Variants in TMEM45B observed in about 807,000 individuals in gnomAD.
TMEM45B encodes the protein transmembrane protein 45B.
Under a neutral mutation model 27.3 loss-of-function variants are expected in TMEM45B, and 29 were observed. That is an observed-to-expected ratio of 1.06 (90% confidence interval 0.79 to 1.45). The LOEUF is 1.45. TMEM45B is among the 40% of genes most tolerant of loss of function. The pLI is 0.00. For synonymous variants in TMEM45B, 143 were observed against 134.7 expected (o/e 1.06, Z -0.43); for missense variants, 348 against 343.9 (o/e 1.01, Z -0.09).
intron 1 of TMEM45B, among the ~76,000 whole-genome samples, chr11:129,851,583 C>A (rs1947847817): frequency 6.7e-6 from 1 of 148,550 alleles, no homozygotes; most frequent in African/African-American, 2.5e-5. Flanking sequence ...ATGCTATCAC[C>A]TTGGCAACAC....
At chr11:129,819,302 C>T (rs1171242928) in intron 1 of TMEM45B, among the ~76,000 whole-genome samples, 2 of 152,162 alleles carry the variant, frequency 1.3e-5, no homozygotes, top group Non-Finnish European at 2.9e-5. Flanking sequence ...CCTACTACAG[C>T]GGCTTAAACA....
rs558706128 is a variant in TMEM45B at position 129,858,489 on chromosome 11, T to C, written c.717-85T>C. On this transcript the variant is annotated intron_variant, in intron 5 of 5. Coordinates refer to ENST00000281441, the MANE Select transcript of TMEM45B (RefSeq NM_138788.5). ...TGATAGAAATATAAAGAAAATAGTTTAAGAATCAGTAGATGCCTTCACATC... is the reference window on the plus strand; with the variant it reads ...TGATAGAAATATAAAGAAAATAGTTCAAGAATCAGTAGATGCCTTCACATC... 4.6e-5 allele frequency: 40 copies of C among 861,470 alleles called. No individual in the cohort carries two copies. The Admixed American group carries it at 9.2e-4, about 20-fold the overall frequency. The allele number at this position is 861,470 out of a possible 1,614,324, so 53.4% of individuals were successfully genotyped here. A position where few individuals can be genotyped will look rare whatever the true frequency, so the allele number is the denominator to read the frequency against.
chr11:129,825,310 A>G (rs1947465127), intron 1 of TMEM45B, among the ~76,000 whole-genome samples: 1 of 152,004 alleles, frequency 6.6e-6, no homozygotes, highest in Non-Finnish European at 1.5e-5. Context: ...AAGAGAGTCC[A>G]GAATGACTCC....
intron 1 of TMEM45B, among the ~76,000 whole-genome samples, chr11:129,836,479 G>T (rs1947621386): frequency 6.6e-6 from 1 of 152,174 alleles, no homozygotes; most frequent in South Asian, 2.1e-4. Context: ...AGAGGACAGG[G>T]TGTTATGGGC....
At chr11:129,830,224 G>A (rs888236259) in intron 1 of TMEM45B, among the ~76,000 whole-genome samples, 47 of 152,340 alleles carry the variant, frequency 3.1e-4, no homozygotes, top group African/African-American at 1.0e-3. Context: ...CTACTCAGGA[G>A]GCTGAGGTGG....
intron 3 of TMEM45B, 131 bp downstream of exon 3, chr11:129,854,947 C>A: frequency 4.7e-6 from 5 of 1,060,936 alleles, no homozygotes; most frequent in Non-Finnish European, 6.8e-6. Flanking sequence ...TCTGGACTGC[C>A]AAAACCTGAA....
chr11:129,818,436 G>A (rs1157734037), intron 1 of TMEM45B, among the ~76,000 whole-genome samples: 1 of 152,178 alleles, frequency 6.6e-6, no homozygotes, highest in African/African-American at 2.4e-5. Flanking sequence ...GCTTTATAGA[G>A]CACAAGGCGA....
Position 129,816,732 on chromosome 11 carries a change from C to CTTTTTTTTTTTTTTTTTTTTTTTT in TMEM45B, c.-9+857_-9+858insTTTTTTTTTTTTTTTTTTTTTTTT, listed in dbSNP as rs869217352. ...CTAAAAGTTGCAGAAATGGCCACTT[C>CTTTTTTTTTTTTTTTTTTTTTTTT]TTTTTTTTTTTTTTTTTTTTTTTGA... On this transcript the variant is annotated intron_variant, in intron 1 of 5. Transcript: ENST00000281441. Among the ~76,000 whole-genome samples the CTTTTTTTTTTTTTTTTTTTTTTTT allele has an allele frequency of 2.5e-5, 2 of 79,748 alleles. 1 individual carries two copies. Among genetic ancestry groups the CTTTTTTTTTTTTTTTTTTTTTTTT allele is most frequent in the Non-Finnish European group, 4.5e-5 (2 of 44,818 alleles). 52.3% of individuals were successfully genotyped at this position (79,748 alleles called of 152,430 possible). A position where few individuals can be genotyped will look rare whatever the true frequency, so the allele number is the denominator to read the frequency against.
chr11:129,815,851 CT>C lies in TMEM45B; in HGVS notation c.-54del, dbSNP rs1392055332. 5.0e-5 allele frequency: 65 copies of C among 1,310,302 alleles called. No individual in the cohort carries two copies. Among genetic ancestry groups the C allele is most frequent in the Non-Finnish European group, 6.2e-5 (64 of 1,038,022 alleles). 81.2% of individuals were successfully genotyped at this position (1,310,302 alleles called of 1,614,324 possible). On this transcript the variant is annotated 5_prime_UTR_variant, in exon 1 of 6. Coordinates refer to ENST00000281441, the MANE Select transcript of TMEM45B (RefSeq NM_138788.5). The stretch of plus-strand genomic sequence containing the variant: ...CTGCACCTGCTTCTGGGCGGACGCA[CT>C]TGGCGCGCGGCGCGGGCTGCAGACG...
chr11:129,837,447 G>A (rs1359666752), intron 1 of TMEM45B, among the ~76,000 whole-genome samples: 6 of 151,144 alleles, frequency 4.0e-5, no homozygotes, highest in East Asian at 4.0e-4. Context: ...GACCATGCCC[G>A]GCTAATTTTT....
intron 1 of TMEM45B, among the ~76,000 whole-genome samples, chr11:129,821,286 G>C (rs1312335570): frequency 2.0e-5 from 3 of 152,102 alleles, no homozygotes; most frequent in African/African-American, 4.8e-5. Context: ...TAATTGCATG[G>C]AGCTGTTGAG....
intron 1 of TMEM45B, among the ~76,000 whole-genome samples, chr11:129,847,966 G>C (rs556873940): frequency 1.3e-5 from 2 of 152,016 alleles, no homozygotes; most frequent in Non-Finnish European, 2.9e-5. Context: ...AGGGGCGGCC[G>C]GGCAGAGACG....
intron 1 of TMEM45B, among the ~76,000 whole-genome samples, chr11:129,819,797 G>GCC (rs969618010): frequency 6.6e-6 from 1 of 151,402 alleles, no homozygotes; most frequent in Admixed American, 6.6e-5. Flanking sequence ...CCTGTGATCT[G>GCC]CCCCCCTCGG....
intron 1 of TMEM45B, among the ~76,000 whole-genome samples, chr11:129,848,990 TG>T (rs1176776472): frequency 1.3e-5 from 2 of 152,208 alleles, no homozygotes; most frequent in Admixed American, 1.3e-4. Flanking sequence ...CGGCAACACC[TG>T]AATTTTGGAG....
intron 1 of TMEM45B, among the ~76,000 whole-genome samples, chr11:129,839,218 G>A (rs1947660774): frequency 1.3e-5 from 2 of 152,156 alleles, no homozygotes; most frequent in Admixed American, 1.3e-4. Context: ...AGTCTTCTTG[G>A]TGGCCAGCTT....
Position 129,854,464 on chromosome 11 carries a change from T to G in TMEM45B, c.179-146T>G, listed in dbSNP as rs1459411736. 1.3e-5 allele frequency: 9 copies of G among 699,630 alleles called. No individual in the cohort carries two copies. In the Admixed American group the frequency reaches 1.8e-4, roughly 14 times the overall value. The allele number at this position is 699,630 out of a possible 1,614,324, so 43.3% of individuals were successfully genotyped here. A position where few individuals can be genotyped will look rare whatever the true frequency, so the allele number is the denominator to read the frequency against. ...TACTTTATACTGAAGCAGCTGCACCTGAGGCAGCAAAGTAGCTCTGCTGAC... is the reference window on the plus strand; with the variant it reads ...TACTTTATACTGAAGCAGCTGCACCGGAGGCAGCAAAGTAGCTCTGCTGAC... On this transcript the variant is annotated intron_variant, in intron 2 of 5. Transcript: ENST00000281441.
At chr11:129,849,125 T>G (rs1419882403) in intron 1 of TMEM45B, among the ~76,000 whole-genome samples, 1 of 152,218 alleles carries the variant, frequency 6.6e-6, no homozygotes, top group Non-Finnish European at 1.5e-5. Context: ...CAACATGAAC[T>G]TTAAAATCTA....
Position 129,815,871 on chromosome 11 carries a change from G to A in TMEM45B, c.-36G>A, listed in dbSNP as rs1468477379. On this transcript the variant is annotated 5_prime_UTR_variant, in exon 1 of 6. Coordinates refer to ENST00000281441, the MANE Select transcript of TMEM45B (RefSeq NM_138788.5). ...ACGCACTTGGCGCGCGGCGCGGGCT[G>A]CAGACGGCTGCGAGGCGCTGGGCAC... 1.5e-6 allele frequency: 2 copies of A among 1,306,072 alleles called. No homozygotes were observed. Among genetic ancestry groups the A allele is most frequent in the Non-Finnish European group, 1.9e-6 (2 of 1,035,634 alleles). The allele number at this position is 1,306,072 out of a possible 1,614,324, so 80.9% of individuals were successfully genotyped here.
intron 1 of TMEM45B, among the ~76,000 whole-genome samples, chr11:129,832,094 G>A (rs1565365389): frequency 1.5e-5 from 2 of 137,090 alleles, no homozygotes; most frequent in Non-Finnish European, 1.6e-5. Flanking sequence ...AAAGGATCCG[G>A]ACACAGTGGC....
Sources: allele counts gnomAD v4.1 joint callset (sites outside exome capture counted in the v4.1 genomes callset), GRCh38; gene constraint gnomAD v4.1.1; transcripts MANE v1.5; gene names NCBI Gene and HGNC (gene_info 2026-07-23, HGNC 2026-07-21).